The following PIK3R3 variants were observed in gnomAD, a reference collection of about 807,000 sequenced individuals.
PIK3R3 encodes the protein phosphatidylinositol 3-kinase regulatory subunit gamma.
Under a neutral mutation model 62.9 loss-of-function variants are expected in PIK3R3, and 64 were observed. That is an observed-to-expected ratio of 1.02 (90% CI 0.83 to 1.25). The LOEUF is 1.25. PIK3R3 is among the 50% of genes most tolerant of loss of function. The pLI, the probability that PIK3R3 is intolerant of heterozygous loss-of-function variation, is 0.00. For synonymous variants in PIK3R3, 165 were observed against 189.0 expected (o/e 0.87, Z 1.04); for missense variants, 614 against 561.6 (o/e 1.09, Z -0.94).
intron 4 of PIK3R3, 49 bp downstream of exon 4, chr1:46,066,862 G>A (rs748802775): frequency 1.2e-5 from 16 of 1,379,438 alleles, no homozygotes; most frequent in Non-Finnish European, 1.3e-5. Flanking sequence ...AAATAAGGCT[G>A]TTAAATAATC....
chr1:46,090,071 T>C (rs1401318580), intron 1 of PIK3R3, among the ~76,000 whole-genome samples: 1 of 152,204 alleles, frequency 6.6e-6, no homozygotes, highest in Non-Finnish European at 1.5e-5. Flanking sequence ...CTGATGATTT[T>C]GTACTATAAA....
chr1:46,144,676 G>A, the PIK3R3 span, among the ~76,000 whole-genome samples: 1 of 150,412 alleles, frequency 6.6e-6, no homozygotes. Flanking sequence ...GCTGAGGCAG[G>A]AGAATCACTT....
chr1:46,161,959 G>C, the PIK3R3 span, among the ~76,000 whole-genome samples: 14 of 151,968 alleles, frequency 9.2e-5, no homozygotes, highest in African/African-American at 3.4e-4. Flanking sequence ...GGGCGTGGTG[G>C]CGGGCACCTG....
chr1:46,153,266 G>T, the PIK3R3 span, among the ~76,000 whole-genome samples: 231 of 152,282 alleles, frequency 1.5e-3, 1 homozygote, highest in Middle Eastern at 3.4e-3. Flanking sequence ...ACTCTAGGAT[G>T]AGCACCCACT....
chr1:46,097,402 T>G (rs1277526004), intron 1 of PIK3R3, among the ~76,000 whole-genome samples: 1 of 150,298 alleles, frequency 6.7e-6, no homozygotes, highest in Non-Finnish European at 1.5e-5. Flanking sequence ...AATTCAAAAA[T>G]TAAACACCTA....
chr1:46,145,880 C>A, the PIK3R3 span, among the ~76,000 whole-genome samples: 1 of 152,132 alleles, frequency 6.6e-6, no homozygotes, highest in Non-Finnish European at 1.5e-5. Context: ...GGCTAAAGTC[C>A]ATTTGGGCAG....
intron 2 of PIK3R3, among the ~76,000 whole-genome samples, chr1:46,078,983 G>T (rs886789922): frequency 6.6e-6 from 1 of 152,092 alleles, no homozygotes; most frequent in Non-Finnish European, 1.5e-5. Flanking sequence ...GAGAATGGGG[G>T]GTTATTGTTT....
At chr1:46,103,854 A>C (rs955146964) in intron 1 of PIK3R3, among the ~76,000 whole-genome samples, 2 of 151,848 alleles carry the variant, frequency 1.3e-5, no homozygotes, top group Non-Finnish European at 2.9e-5. Flanking sequence ...TCGGCCTCCC[A>C]AAGTGCTGGG....
intron 1 of PIK3R3, among the ~76,000 whole-genome samples, chr1:46,088,821 C>T (rs1184448067): frequency 6.6e-6 from 1 of 151,726 alleles, no homozygotes; most frequent in Non-Finnish European, 1.5e-5. Context: ...AAGCTACACC[C>T]CTGTGGAATT....
chr1:46,086,092 C>T (rs752796473), intron 1 of PIK3R3, among the ~76,000 whole-genome samples: 16 of 151,958 alleles, frequency 1.1e-4, no homozygotes, highest in Admixed American at 2.0e-4. Context: ...TTTTCAATTC[C>T]GTTTTAATTA....
chr1:46,088,073 G>T (rs1029351853), intron 1 of PIK3R3, among the ~76,000 whole-genome samples: 2 of 152,160 alleles, frequency 1.3e-5, no homozygotes, highest in Non-Finnish European at 1.5e-5. Context: ...TAATGCCACA[G>T]AATTTAAACA....
chr1:46,132,172 C>T lies in PIK3R3; in HGVS notation c.-220G>A. ...TGCCCCCGAACTTTCAAGCTATGGG[C>T]TTTTCTCCTCAGAGGATTACACAGA... On this transcript the variant is annotated 5_prime_UTR_variant, in exon 1 of 10. Transcript: ENST00000262741. 1.5e-6 allele frequency: 2 copies of T among 1,322,084 alleles called. No homozygotes were observed. Among genetic ancestry groups the T allele is most frequent in the African/African-American group, 1.5e-5 (1 of 67,156 alleles). The allele number at this position is 1,322,084 out of a possible 1,614,324, so 81.9% of individuals were successfully genotyped here. A position where few individuals can be genotyped will look rare whatever the true frequency, so the allele number is the denominator to read the frequency against.
At chr1:46,154,007 G>A in the PIK3R3 span, among the ~76,000 whole-genome samples, 1 of 152,204 alleles carries the variant, frequency 6.6e-6, no homozygotes, top group Non-Finnish European at 1.5e-5. Flanking sequence ...GCGAAAGTGA[G>A]AGTAAAGGGT....
chr1:46,105,328 C>T (rs1440868076), intron 1 of PIK3R3, among the ~76,000 whole-genome samples: 2 of 152,072 alleles, frequency 1.3e-5, no homozygotes, highest in Admixed American at 6.6e-5. Context: ...GGTGAAACCC[C>T]GTCTCTACTA....
At chr1:46,123,298 A>G (rs893403896) in intron 1 of PIK3R3, among the ~76,000 whole-genome samples, 5 of 152,218 alleles carry the variant, frequency 3.3e-5, no homozygotes, top group African/African-American at 1.2e-4. Flanking sequence ...CTTGATTTAA[A>G]GATGGAGGTG....
chr1:46,161,927 C>T, the PIK3R3 span, among the ~76,000 whole-genome samples: 3 of 151,054 alleles, frequency 2.0e-5, no homozygotes, highest in African/African-American at 7.3e-5. Flanking sequence ...CCTGTCTCTA[C>T]TAAAAATACA....
chr1:46,111,662 T>G (rs966092654), intron 1 of PIK3R3, among the ~76,000 whole-genome samples: 1 of 151,900 alleles, frequency 6.6e-6, no homozygotes, highest in South Asian at 2.1e-4. Context: ...GAGGCAGAGA[T>G]TGCAGTGAGC....
chr1:46,052,624 C>T (rs1647460139), intron 7 of PIK3R3, among the ~76,000 whole-genome samples: 2 of 152,148 alleles, frequency 1.3e-5, no homozygotes, highest in Admixed American at 6.5e-5. Context: ...ATTTTCCCAT[C>T]AAAACCCCCA....
chr1:46,054,434 T>G (rs1302239172), intron 7 of PIK3R3, among the ~76,000 whole-genome samples: 1 of 147,172 alleles, frequency 6.8e-6, no homozygotes, highest in Non-Finnish European at 1.5e-5. Context: ...ACCTTAAATC[T>G]TCCTCTACTG....
Sources: gnomAD v4.1 joint callset for allele counts (sites outside exome capture counted in the v4.1 genomes callset) on GRCh38, gnomAD v4.1.1 for gene constraint, MANE v1.5 for transcripts, NCBI Gene and HGNC (gene_info 2026-07-23, HGNC 2026-07-21) for gene names.